Variants in RIN1 observed in about 807,000 individuals in gnomAD.
RIN1 encodes the protein ras inhibitor 1.
Under a neutral mutation model 64.9 loss-of-function variants are expected in RIN1, and 52 were observed. The observed-to-expected ratio is 0.80, with a 90% CI of 0.64 to 1.01. RIN1 has a LOEUF of 1.01. Among genes scored for constraint, RIN1 ranks in the 50% least tolerant of loss-of-function variants. RIN1 has a pLI of 0.00. For missense variants in RIN1, 1,040 were observed against 1,064.5 expected (o/e 0.98, Z 0.32); for synonymous variants, 486 against 483.6 (o/e 1.00, Z -0.06).
chr11:66,335,402 C>A lies in RIN1; in HGVS notation c.547+5G>T. 1 of 1,605,176 alleles carries A rather than the reference C, an allele frequency of 6.2e-7. No homozygotes were observed. Among genetic ancestry groups the A allele is most frequent in the Non-Finnish European group, 8.5e-7 (1 of 1,174,024 alleles). ...TCTGTGCAATGGGTGGCAGGAAGCC[C>A]TTACCAATGCCCAGATGGGAGATGG... On this transcript the variant is annotated splice_donor_5th_base_variant and intron_variant, in intron 5 of 9. Transcript: ENST00000311320.
chr11:66,336,695 T>C (rs570062856), upstream of RIN1: 3 of 411,616 alleles, frequency 7.3e-6, no homozygotes, highest in African/African-American at 4.0e-5. Context: ...GGGCGGGAAG[T>C]GGTTAAGCGG....
rs761492804 is a variant in RIN1, at chr11:66,334,261, G to A, written c.1286-37C>T. 12 of 1,392,324 alleles carry A rather than the reference G, an allele frequency of 8.6e-6. 1 individual carries two copies. The South Asian group carries it at 1.2e-4, about 14-fold the overall frequency. The allele number at this position is 1,392,324 out of a possible 1,614,324, so 86.2% of individuals were successfully genotyped here. ...ACAGGGAGGGGTCAGGGGAAGACTG[G>A]GGGTATGGGGGGCAGAGGCAAGGGG... is the stretch of plus-strand genomic sequence containing the variant. On this transcript the variant is annotated intron_variant, in intron 6 of 9. Coordinates refer to ENST00000311320, the MANE Select transcript of RIN1 (RefSeq NM_004292.3).
chr11:66,333,772 C>T (rs1854797249), intron 7 of RIN1, 114 bp from the exon 8 acceptor site: 2 of 1,453,972 alleles, frequency 1.4e-6, no homozygotes, highest in East Asian at 4.8e-5. Flanking sequence ...GCGCTCCTCT[C>T]TAGGCCTCAG....
intron 9 of RIN1, 90 bp downstream of exon 9, chr11:66,333,168 G>T (rs1368043239): frequency 2.5e-5 from 37 of 1,490,462 alleles, no homozygotes; most frequent in Non-Finnish European, 3.4e-5. Context: ...CCCAGGATCT[G>T]TCTACAGAGT....
Position 66,333,916 on chromosome 11 carries a change from T to A in RIN1, c.1591+3A>T. 2 of 1,518,102 alleles carry A rather than the reference T, an allele frequency of 1.3e-6. No homozygotes were observed. Among genetic ancestry groups the A allele is most frequent in the Non-Finnish European group, 1.8e-6 (2 of 1,132,272 alleles). 94.0% of individuals were successfully genotyped at this position (1,518,102 alleles called of 1,614,324 possible). On this transcript the variant is annotated splice_donor_region_variant and intron_variant, in intron 7 of 9. Coordinates refer to ENST00000311320, the MANE Select transcript of RIN1 (RefSeq NM_004292.3). ...GCAGGGTGAGGTGGTGGCAGGGACA[T>A]ACCTTCCTGGGTCCTCAGGGCCATG...
chr11:66,334,293 G>A, intron 6 of RIN1, 69 bp from the exon 7 acceptor site: 1 of 1,330,752 alleles, frequency 7.5e-7, no homozygotes, highest in Admixed American at 2.8e-5. Flanking sequence ...GGGGAGAAGG[G>A]AGCAGGGGTA....
chr11:66,332,410 C>T lies in RIN1; in HGVS notation c.2218G>A (p.Gly740Arg). 1.2e-6 allele frequency: 2 copies of T among 1,614,156 alleles called. No individual in the cohort carries two copies. Among genetic ancestry groups the T allele is most frequent in the Non-Finnish European group, 1.7e-6 (2 of 1,180,030 alleles). The part of the protein sequence containing the change: ...EQGCQGDGDA[G>R]VKASPRDIRE... ...ATGTCCCTGGGGCTGGCTTTGACCC[C>T]AGCATCCCCATCTCCCTGGCACCCT... is the stretch of plus-strand genomic sequence containing the variant. Residue 740 changes from glycine (G) to arginine (R), a missense_variant, in exon 10 of 10, where the codon GGG becomes AGG. Coordinates refer to ENST00000311320, the MANE Select transcript of RIN1 (RefSeq NM_004292.3).
rs140517980 is a variant in RIN1 at position 66,332,637 on chromosome 11, C to T, written c.1991G>A (p.Arg664Gln). Residue 664 changes from arginine (R) to glutamine (Q), a missense_variant, in exon 10 of 10, where the codon CGA becomes CAA. By Grantham distance (43) the Arg-to-Gln change is conservative (BLOSUM62 1). Transcript: ENST00000311320. Reference protein sequence around the residue: ...TLNQLCATKFRVTQPNTFGLF... With the variant: ...TLNQLCATKFQVTQPNTFGLF... ...GCCAAAAGTGTTGGGCTGGGTCACT[C>T]GGAACTTGGTGGCACAGAGCTGGTT... 29 of 1,599,572 alleles carry T rather than the reference C, an allele frequency of 1.8e-5. No individual in the cohort carries two copies. The African/African-American group carries it at 2.3e-4, about 13-fold the overall frequency.
At chr11:66,336,503 C>A, upstream of RIN1, 1 of 1,001,280 alleles carries the variant, frequency 1.0e-6, no homozygotes. Flanking sequence ...GCCTGTCACA[C>A]CCGCCAGTTA....
At position 66,335,611 on chromosome 11, in the gene RIN1, G is replaced by A. The variant is rs1192008669; in HGVS notation, c.454C>T (p.Arg152Trp). 11 of 1,613,466 alleles carry A rather than the reference G, an allele frequency of 6.8e-6. No homozygotes were observed. The highest frequency in any genetic ancestry group is 2.2e-5 in the East Asian group (1 of 44,866). Residue 152 changes from arginine (R) to tryptophan (W), a missense_variant and splice_region_variant, in exon 4 of 10, where the codon CGG (arginine) becomes TGG (tryptophan). Arg to Trp is a moderately radical substitution (Grantham distance 101). Coordinates refer to ENST00000311320, the MANE Select transcript of RIN1 (RefSeq NM_004292.3). ...CAGGCACCCTGCGGGCAGACTCACC[G>A]GGTGTGGCAGTAGGCACAGATGAGC... ...VQLICAYCHT[R>W]DILLLPLQLP...
rs770043572 is a variant in RIN1, at chr11:66,332,770, C to T, written c.1876-18G>A. On this transcript the variant is annotated intron_variant, in intron 9 of 9. Coordinates refer to ENST00000311320, the MANE Select transcript of RIN1 (RefSeq NM_004292.3). The stretch of plus-strand genomic sequence containing the variant: ...AGGAGGTGCTATGCAGGAGGAGAAG[C>T]AAAAACAAGTACTCAGCCCCGGCTG... 6.7e-7 allele frequency: 1 copy of T among 1,489,062 alleles called. No homozygotes were observed. 92.2% of individuals were successfully genotyped at this position (1,489,062 alleles called of 1,614,324 possible).
chr11:66,332,119 A>G lies in RIN1; in HGVS notation c.*157T>C, dbSNP rs1854745835. 4.0e-6 allele frequency: 3 copies of G among 751,464 alleles called. No homozygotes were observed. The African/African-American group carries it at 5.2e-5, about 13-fold the overall frequency. The allele number at this position is 751,464 out of a possible 1,614,324, so 46.5% of individuals were successfully genotyped here. A position where few individuals can be genotyped will look rare whatever the true frequency, so the allele number is the denominator to read the frequency against. ...CCCCTCATCTTTATTCCAGTTCCTC[A>G]GATGTGGCAGTTCCCCCAGCTTCCC... On this transcript the variant is annotated 3_prime_UTR_variant, in exon 10 of 10. Coordinates refer to ENST00000311320, the MANE Select transcript of RIN1 (RefSeq NM_004292.3).
intron 6 of RIN1, 115 bp downstream of exon 6, chr11:66,334,399 G>A: frequency 7.0e-7 from 1 of 1,419,018 alleles, no homozygotes; most frequent in South Asian, 1.2e-5. Context: ...TCGAACAGTG[G>A]TAAGACAAGA....
At position 66,334,820 on chromosome 11, in the gene RIN1, C is replaced by T. The variant is rs767410799; in HGVS notation, c.979G>A (p.Val327Met). Reference protein sequence around the residue: ...GSPSSSEEEGVPGSRGSPATS... With the variant: ...GSPSSSEEEGMPGSRGSPATS... The stretch of plus-strand genomic sequence containing the variant: ...GCTGGGCTCCCCCGGGACCCTGGCA[C>T]CCCCTCCTCCTCGGAGCTGCTGGGG... Residue 327 changes from valine to methionine, a missense_variant, in exon 6 of 10, where the codon GTG (valine) becomes ATG (methionine). Physicochemically the swap from Val to Met is conservative, Grantham distance 21. Transcript: ENST00000311320. The T allele has an allele frequency of 1.6e-5, 24 of 1,546,350 alleles. No homozygotes were observed. The highest frequency in any genetic ancestry group is 6.8e-5 in the African/African-American group (5 of 73,040).
Position 66,335,464 on chromosome 11 carries a change from C to T in RIN1, c.490G>A (p.Ala164Thr). The T allele has an allele frequency of 6.2e-7, 1 of 1,613,830 alleles. No individual in the cohort carries two copies. The highest frequency in any genetic ancestry group is 8.5e-7 in the Non-Finnish European group (1 of 1,179,820). The stretch of plus-strand genomic sequence containing the variant: ...TTGTGAGTGGCTGCGTGGTGGATGG[C>T]TCTGGGGAGCTGCAGCGGGAGGAGA... ...ILLLPLQLPR[A>T]IHHAATHKEL... Residue 164 changes from alanine (A) to threonine (T), a missense_variant, in exon 5 of 10, where the codon GCC becomes ACC. Coordinates refer to ENST00000311320, the MANE Select transcript of RIN1 (RefSeq NM_004292.3).
Position 66,333,327 on chromosome 11 carries a change from G to A in RIN1, c.1806C>T (p.Pro602=), listed in dbSNP as rs772997649. 17 of 1,613,070 alleles carry A rather than the reference G, an allele frequency of 1.1e-5. No homozygotes were observed. Among genetic ancestry groups the A allele is most frequent in the Admixed American group, 6.7e-5 (4 of 59,972 alleles). Residue 602 remains proline (P), a synonymous_variant, in exon 9 of 10, where the codon CCC becomes CCT. Coordinates refer to ENST00000311320, the MANE Select transcript of RIN1 (RefSeq NM_004292.3). ...TGAGGGAGCGCCGTAGCTCCTGCAC[G>A]GGGCTCAGTGGGAGGGTGTGGGCCT... is the stretch of plus-strand genomic sequence containing the variant. ...LGQAHTLPLS[P]VQELRRSLSL... is the part of the protein sequence containing the mutation.
Position 66,330,573 on chromosome 11 carries a change from C to G in RIN1, c.*1703G>C, listed in dbSNP as rs529774118. 21 of 152,434 alleles carry G rather than the reference C, an allele frequency of 1.4e-4. No individual in the cohort carries two copies. Among genetic ancestry groups the G allele is most frequent in the African/African-American group, 5.1e-4 (21 of 41,572 alleles). 9.4% of individuals were successfully genotyped at this position (152,434 alleles called of 1,614,324 possible). Reference sequence around the variant, plus strand: ...CCTGAGGTCGGGAGTTTGAGACCAGCCTGGCCAACATGGGGAAACCCCGTC... The same window carrying G: ...CCTGAGGTCGGGAGTTTGAGACCAGGCTGGCCAACATGGGGAAACCCCGTC... On this transcript the variant is annotated 3_prime_UTR_variant, in exon 10 of 10. Coordinates refer to ENST00000311320, the MANE Select transcript of RIN1 (RefSeq NM_004292.3).
intron 5 of RIN1, 75 bp downstream of exon 5, chr11:66,335,332 C>T (rs907916068): frequency 2.1e-5 from 32 of 1,554,114 alleles, no homozygotes; most frequent in Non-Finnish European, 2.7e-5. Flanking sequence ...GGGCTTCGGG[C>T]GGTGTGCTGC....
rs753697297 is a variant in RIN1, at chr11:66,335,806, C to T, written c.338G>A (p.Gly113Asp). The change falls in exon 3 of 10, where the codon GGC becomes GAC. Residue 113 changes from glycine (G) to aspartate (D), a missense_variant. Physicochemically the swap from Gly to Asp is moderately conservative, Grantham distance 94. Coordinates refer to ENST00000311320, the MANE Select transcript of RIN1 (RefSeq NM_004292.3). ...GTAGTGGCTGGAGACGAAGGAGGGG[C>T]CACTGGCTTCAGGCAACCGCATGCA... ...ALCMRLPEAS[G>D]PSFVSSHYIL... 6.2e-7 allele frequency: 1 copy of T among 1,609,840 alleles called. No homozygotes were observed. Among genetic ancestry groups the T allele is most frequent in the South Asian group, 1.1e-5 (1 of 90,692 alleles).
Sources: gnomAD v4.1 joint callset for allele counts on GRCh38, gnomAD v4.1.1 for gene constraint, MANE v1.5 for transcripts, NCBI Gene and HGNC (gene_info 2026-07-23, HGNC 2026-07-21) for gene names.